Variants in ZBTB20 observed in about 807,000 individuals in gnomAD.
The protein encoded by ZBTB20 is zinc finger and BTB domain-containing protein 20.
Under a neutral mutation model 56.9 loss-of-function variants are expected in ZBTB20, and 9 were observed. The ratio of observed to expected loss-of-function variants is 0.16; its 90% CI spans 0.10 to 0.28. ZBTB20 has a LOEUF of 0.28. Ranked by LOEUF, ZBTB20 falls within the 10% of genes least tolerant of loss-of-function variation. The probability of loss-of-function intolerance (pLI) is 1.00; values close to 1 mark genes in which losing one functional copy is unlikely to be tolerated. For synonymous variants in ZBTB20, 417 were observed against 420.7 expected, an observed-to-expected ratio of 0.99 and a Z score of 0.11; for missense variants, 655 against 1,003.0, an observed-to-expected ratio of 0.65 and a Z score of 4.69.
chr3:115,128,194 C>T (rs1171837389), intron 1 of ZBTB20, among the ~76,000 whole-genome samples: 1 of 152,150 alleles, frequency 6.6e-6, no homozygotes, highest in South Asian at 2.1e-4. Context: ...AAAAATATGT[C>T]TATCTCAATT....
intron 6 of ZBTB20, among the ~76,000 whole-genome samples, chr3:114,624,449 T>A (rs1481085134): frequency 6.6e-6 from 1 of 151,032 alleles, no homozygotes; most frequent in African/African-American, 2.4e-5. Flanking sequence ...AATGCAGCCA[T>A]GTCTCCTGAA....
intron 5 of ZBTB20, among the ~76,000 whole-genome samples, chr3:114,773,546 A>G (rs535550845): frequency 6.6e-5 from 10 of 152,340 alleles, no homozygotes; most frequent in Middle Eastern, 3.4e-3. Context: ...CAGGGAGTGT[A>G]TATCTACTCA....
chr3:114,923,727 C>T (rs914679510), intron 3 of ZBTB20, among the ~76,000 whole-genome samples: 2 of 151,902 alleles, frequency 1.3e-5, no homozygotes, highest in East Asian at 1.9e-4. Context: ...TAGAACTACA[C>T]CAAACTAAAA....
At chr3:114,644,982 A>G (rs572760811) in intron 6 of ZBTB20, among the ~76,000 whole-genome samples, 3 of 152,186 alleles carry the variant, frequency 2.0e-5, no homozygotes, top group African/African-American at 7.2e-5. Context: ...ATAGTCCCTA[A>G]GGATAATGAA....
intron 2 of ZBTB20, among the ~76,000 whole-genome samples, chr3:115,059,676 T>C (rs1247861230): frequency 6.6e-6 from 1 of 152,206 alleles, no homozygotes; most frequent in African/African-American, 2.4e-5. Flanking sequence ...ACCTGCAAAT[T>C]CTACTGCCTC....
rs563516955 is a variant in ZBTB20, at chr3:114,465,761, G to A, written c.-255+34591C>T. ...GGGATAGGAATCACCAAAAGAAGGAGGTCCAAAGTCCAATGTTAGGATGAT... is the reference window on the plus strand; with the variant it reads ...GGGATAGGAATCACCAAAAGAAGGAAGTCCAAAGTCCAATGTTAGGATGAT... On this transcript the variant is annotated intron_variant, in intron 7 of 11. Transcript: ENST00000675478. Among the ~76,000 whole-genome samples the A allele has an allele frequency of 1.3e-5, 2 of 151,720 alleles. 1 individual carries two copies. The highest frequency in any genetic ancestry group is 4.8e-5 in the African/African-American group (2 of 41,368).
rs2078759467 is a variant in ZBTB20, at chr3:114,318,176, G to GCACT, written c.*20825_*20828dup. 1 of 152,168 alleles carries GCACT rather than the reference G, an allele frequency of 6.6e-6. No individual in the cohort carries two copies. The highest frequency in any genetic ancestry group is 2.4e-5 in the African/African-American group (1 of 41,436). The allele number at this position is 152,168 out of a possible 1,614,324, so 9.4% of individuals were successfully genotyped here. A position where few individuals can be genotyped will look rare whatever the true frequency, so the allele number is the denominator to read the frequency against. On this transcript the variant is annotated 3_prime_UTR_variant, in exon 12 of 12. Coordinates refer to ENST00000675478, the MANE Select transcript of ZBTB20 (RefSeq NM_001348800.3). ...GGAAAAGCTATTGAACAGCCTTAGGGCACTGCCTCTCCATCTTCACAGTGA... is the reference window on the plus strand; with the variant it reads ...GGAAAAGCTATTGAACAGCCTTAGGGCACTCACTGCCTCTCCATCTTCACAGTGA...
chr3:115,068,279 G>A (rs534985221), intron 2 of ZBTB20, among the ~76,000 whole-genome samples: 1 of 151,992 alleles, frequency 6.6e-6, no homozygotes, highest in African/African-American at 2.4e-5. Context: ...TTTTACTGTT[G>A]TCTTCATGTA....
chr3:114,651,104 TG>T (rs1347559784), intron 6 of ZBTB20, among the ~76,000 whole-genome samples: 2 of 152,130 alleles, frequency 1.3e-5, no homozygotes, highest in African/African-American at 2.4e-5. Flanking sequence ...ATTGATAGAC[TG>T]GGCTAGAATA....
chr3:114,793,763 T>C (rs2071148566), intron 5 of ZBTB20, among the ~76,000 whole-genome samples: 1 of 152,074 alleles, frequency 6.6e-6, no homozygotes, highest in South Asian at 2.1e-4. Context: ...AGAGTATGAA[T>C]GCAGGCTCAA....
At chr3:114,792,135 A>G (rs1006529804) in intron 5 of ZBTB20, 2 of 152,320 alleles carry the variant, frequency 1.3e-5, no homozygotes, top group South Asian at 2.1e-4. Context: ...AGATTAGATA[A>G]GCTTCCTCCC....
intron 6 of ZBTB20, among the ~76,000 whole-genome samples, chr3:114,501,066 C>T (rs527238168): frequency 2.0e-5 from 3 of 152,244 alleles, no homozygotes; most frequent in East Asian, 1.9e-4. Flanking sequence ...TCAATACATT[C>T]GTGTGTAGCT....
In ZBTB20 at chr3:114,562,836, C is replaced by T. The variant is rs568093400; in HGVS notation, c.-294-62445G>A. Among the ~76,000 whole-genome samples the T allele has an allele frequency of 5.9e-5, 9 of 152,246 alleles. No individual in the cohort carries two copies. The South Asian group carries it at 1.2e-3, about 21-fold the overall frequency. The stretch of plus-strand genomic sequence containing the variant: ...CAGCTAGTTGGTAAGGCAGTCAGAA[C>T]ATATAAAACATTTATTGATTAAATT... On this transcript the variant is annotated intron_variant, in intron 6 of 11. Coordinates refer to ENST00000675478, the MANE Select transcript of ZBTB20 (RefSeq NM_001348800.3).
intron 5 of ZBTB20, among the ~76,000 whole-genome samples, chr3:114,707,079 C>A (rs532955557): frequency 6.6e-6 from 1 of 152,140 alleles, no homozygotes; most frequent in East Asian, 1.9e-4. Context: ...TCCTGCTATC[C>A]CAATAACACA....
At chr3:114,986,646 A>G (rs944118784) in intron 2 of ZBTB20, among the ~76,000 whole-genome samples, 3 of 152,136 alleles carry the variant, frequency 2.0e-5, no homozygotes, top group Non-Finnish European at 4.4e-5. Flanking sequence ...TCCCAATTGG[A>G]ATATACCTTT....
At chr3:114,694,555 A>T (rs1046751443) in intron 5 of ZBTB20, among the ~76,000 whole-genome samples, 4 of 151,872 alleles carry the variant, frequency 2.6e-5, no homozygotes, top group Admixed American at 6.6e-5. Flanking sequence ...ACCCTATAGA[A>T]TTTTTTTTAT....
intron 2 of ZBTB20, among the ~76,000 whole-genome samples, chr3:115,019,437 A>G (rs2080114794): frequency 6.6e-6 from 1 of 151,308 alleles, no homozygotes; most frequent in Non-Finnish European, 1.5e-5. Flanking sequence ...AATTTAGTGC[A>G]TGTCCTATGT....
intron 6 of ZBTB20, among the ~76,000 whole-genome samples, chr3:114,503,343 A>G (rs1441667504): frequency 6.6e-6 from 1 of 152,218 alleles, no homozygotes; most frequent in African/African-American, 2.4e-5. Flanking sequence ...ACTTAATAGT[A>G]TGGCTAAAAA....
At chr3:114,885,037 G>A (rs986416087) in intron 4 of ZBTB20, among the ~76,000 whole-genome samples, 1 of 152,164 alleles carries the variant, frequency 6.6e-6, no homozygotes, top group Non-Finnish European at 1.5e-5. Flanking sequence ...AAAATTTATA[G>A]GATATGGCAA....
Sources: gnomAD v4.1 joint callset for allele counts (sites outside exome capture counted in the v4.1 genomes callset) on GRCh38, gnomAD v4.1.1 for gene constraint, MANE v1.5 for transcripts, NCBI Gene and HGNC (gene_info 2026-07-23, HGNC 2026-07-21) for gene names.